GYPE: variants seen among roughly 807,000 people sequenced by gnomAD.
GYPE encodes the protein glycophorin-E.
Under a neutral mutation model 11.6 loss-of-function variants are expected in GYPE, and 8 were observed. The observed-to-expected ratio is 0.69, with a 90% CI of 0.41 to 1.25. The LOEUF (loss-of-function observed/expected upper bound fraction) is 1.25. GYPE is among the 50% of genes most tolerant of loss of function. The pLI, the probability that GYPE is intolerant of heterozygous loss-of-function variation, is 0.01. For synonymous variants in GYPE, 28 were observed against 29.6 expected (o/e 0.94, Z 0.18); for missense variants, 90 against 92.8 (o/e 0.97, Z 0.12).
intron 1 of GYPE, among the ~76,000 whole-genome samples, chr4:143,881,705 A>G (rs1744028531): frequency 6.6e-6 from 1 of 152,158 alleles, no homozygotes; most frequent in African/African-American, 2.4e-5. Context: ...TCAATCTTCT[A>G]TTCTGTGCAT....
intron 1 of GYPE, among the ~76,000 whole-genome samples, chr4:143,895,414 A>G (rs1744589480): frequency 6.6e-6 from 1 of 151,920 alleles, no homozygotes; most frequent in Non-Finnish European, 1.5e-5. Flanking sequence ...CAATTGCTTC[A>G]AAGAGAATCA....
chr4:143,889,257 A>G (rs1467724734), intron 1 of GYPE, among the ~76,000 whole-genome samples: 1 of 151,960 alleles, frequency 6.6e-6, no homozygotes, highest in Non-Finnish European at 1.5e-5. Flanking sequence ...GGTCATCCAC[A>G]CTGTCCCAAA....
intron 1 of GYPE, among the ~76,000 whole-genome samples, chr4:143,893,202 G>A (rs1455565445): frequency 1.5e-5 from 2 of 133,650 alleles, no homozygotes; most frequent in African/African-American, 5.5e-5. Flanking sequence ...GCCTATGTGT[G>A]TCTCTGCACA....
chr4:143,899,494 T>G (rs1744781265), intron 1 of GYPE, among the ~76,000 whole-genome samples: 1 of 152,158 alleles, frequency 6.6e-6, no homozygotes, highest in Admixed American at 6.6e-5. Context: ...TTCTATGAAA[T>G]TGTTAGGGAT....
chr4:143,904,071 G>A (rs936228061), intron 1 of GYPE, among the ~76,000 whole-genome samples: 4 of 151,752 alleles, frequency 2.6e-5, no homozygotes, highest in Non-Finnish European at 4.4e-5. Context: ...CAAACTAAAT[G>A]TTTTCATACT....
At chr4:143,873,716 G>A in intron 3 of GYPE, among the ~76,000 whole-genome samples, 1 of 152,132 alleles carries the variant, frequency 6.6e-6, no homozygotes, top group Non-Finnish European at 1.5e-5. Context: ...GGCAGTTTGA[G>A]AAATGGTATA....
chr4:143,891,422 G>A (rs571924781), intron 1 of GYPE, among the ~76,000 whole-genome samples: 266 of 147,590 alleles, frequency 1.8e-3, no homozygotes, highest in Admixed American at 4.3e-3. Flanking sequence ...TCCGCCTCCC[G>A]GGTTCACTCC....
At chr4:143,882,086 C>T (rs1744041112) in intron 1 of GYPE, among the ~76,000 whole-genome samples, 2 of 152,144 alleles carry the variant, frequency 1.3e-5, no homozygotes, top group Admixed American at 1.3e-4. Flanking sequence ...GTTTTCTCTT[C>T]TCTTTTAAGT....
At chr4:143,894,658 G>A (rs958246825) in intron 1 of GYPE, among the ~76,000 whole-genome samples, 1 of 152,076 alleles carries the variant, frequency 6.6e-6, no homozygotes, top group Non-Finnish European at 1.5e-5. Flanking sequence ...ATTTTATGAG[G>A]CCAGCATCAT....
intron 1 of GYPE, among the ~76,000 whole-genome samples, chr4:143,891,283 G>C (rs1278562679): frequency 6.7e-6 from 1 of 149,424 alleles, no homozygotes; most frequent in Non-Finnish European, 1.5e-5. Flanking sequence ...TTTGAATTTC[G>C]TATAATATCC....
chr4:143,905,552 C>G lies in GYPE; in HGVS notation c.-45G>C, dbSNP rs747344893. On this transcript the variant is annotated 5_prime_UTR_variant, in exon 1 of 4. Coordinates refer to ENST00000358615, the MANE Select transcript of GYPE (RefSeq NM_198682.3). The stretch of plus-strand genomic sequence containing the variant: ...TCCTGAAGTTAGTGCAAAAAAACTA[C>G]CAAAGACAACTGCAAGTGTCAGTGT... The G allele has an allele frequency of 6.2e-7, 1 of 1,612,354 alleles. No individual in the cohort carries two copies. Among genetic ancestry groups the G allele is most frequent in the African/African-American group, 1.3e-5 (1 of 74,832 alleles).
intron 1 of GYPE, among the ~76,000 whole-genome samples, chr4:143,881,575 A>T (rs981687602): frequency 3.9e-5 from 6 of 152,178 alleles, no homozygotes; most frequent in African/African-American, 1.4e-4. Context: ...TATAATGTTT[A>T]CAAGTCTGAC....
chr4:143,894,673 G>A (rs913865292), intron 1 of GYPE, among the ~76,000 whole-genome samples: 2 of 152,042 alleles, frequency 1.3e-5, no homozygotes, highest in Non-Finnish European at 1.5e-5. Flanking sequence ...CATCATCCTG[G>A]TACCAGAGCC....
At chr4:143,878,158 T>C (rs187759180) in intron 2 of GYPE, among the ~76,000 whole-genome samples, 99 of 141,812 alleles carry the variant, frequency 7.0e-4, no homozygotes, top group Non-Finnish European at 1.4e-3. Context: ...TTTTGAGACA[T>C]GGTCTTACCA....
At chr4:143,894,652 T>G (rs1744555905) in intron 1 of GYPE, among the ~76,000 whole-genome samples, 1 of 152,186 alleles carries the variant, frequency 6.6e-6, no homozygotes. Context: ...TAACTCATTT[T>G]ATGAGGCCAG....
intron 1 of GYPE, among the ~76,000 whole-genome samples, chr4:143,894,817 G>A (rs1204381196): frequency 2.0e-5 from 3 of 150,900 alleles, no homozygotes; most frequent in African/African-American, 4.9e-5. Context: ...TGATCAAGTG[G>A]GCTTCATCCC....
intron 1 of GYPE, among the ~76,000 whole-genome samples, chr4:143,882,347 T>G (rs1744073438): frequency 6.6e-6 from 1 of 151,930 alleles, no homozygotes; most frequent in Non-Finnish European, 1.5e-5. Context: ...ATGAGTCAAT[T>G]AAAGTATGTA....
At chr4:143,898,259 C>G (rs191848640) in intron 1 of GYPE, among the ~76,000 whole-genome samples, 8 of 152,164 alleles carry the variant, frequency 5.3e-5, no homozygotes, top group East Asian at 1.9e-4. Flanking sequence ...CGCCTGTATT[C>G]TCAGCTACTT....
At chr4:143,895,594 T>C (rs1304079841) in intron 1 of GYPE, among the ~76,000 whole-genome samples, 55 of 147,538 alleles carry the variant, frequency 3.7e-4, no homozygotes, top group Middle Eastern at 3.2e-3. Context: ...AGGAAATTTA[T>C]AGATTCAATG....
Sources: allele counts gnomAD v4.1 joint callset (sites outside exome capture counted in the v4.1 genomes callset), GRCh38; gene constraint gnomAD v4.1.1; transcripts MANE v1.5; gene names NCBI Gene and HGNC (gene_info 2026-07-23, HGNC 2026-07-21).